HDAC4: variants seen among roughly 807,000 people sequenced by gnomAD.
HDAC4 encodes histone deacetylase 4.
Under a neutral mutation model 135.1 loss-of-function variants are expected in HDAC4, and 16 were observed. The observed-to-expected ratio is 0.12, with a 90% CI of 0.08 to 0.18. HDAC4 has a LOEUF of 0.18. HDAC4 is among the 10% of genes least tolerant of loss of function. The probability of loss-of-function intolerance (pLI) is 1.00; values close to 1 mark genes in which losing one functional copy is unlikely to be tolerated. For missense variants in HDAC4, 1,143 were observed against 1,511.8 expected, an observed-to-expected ratio of 0.76 and a Z score of 4.05; for synonymous variants, 685 against 653.4, an observed-to-expected ratio of 1.05 and a Z score of -0.74.
At chr2:239,375,865 G>A (rs746541544) in intron 1 of HDAC4, among the ~76,000 whole-genome samples, 3 of 152,310 alleles carry the variant, frequency 2.0e-5, no homozygotes, top group South Asian at 2.1e-4. Context: ...GCCTCTTGCC[G>A]GCCCTTATGG....
intron 12 of HDAC4, among the ~76,000 whole-genome samples, chr2:239,118,483 G>T (rs1055877182): frequency 6.6e-6 from 1 of 152,170 alleles, no homozygotes; most frequent in Non-Finnish European, 1.5e-5. Context: ...AGAGTGCAGC[G>T]GTGGGTGGCC....
intron 22 of HDAC4, among the ~76,000 whole-genome samples, chr2:239,070,180 G>T (rs2034028448): frequency 6.7e-6 from 1 of 149,916 alleles, no homozygotes; most frequent in Non-Finnish European, 1.5e-5. Flanking sequence ...GAGAGCCCTT[G>T]CCAGCCCTGC....
At chr2:239,223,906 CGGA>C (rs2047101775) in intron 3 of HDAC4, among the ~76,000 whole-genome samples, 1 of 151,864 alleles carries the variant, frequency 6.6e-6, no homozygotes, top group Non-Finnish European at 1.5e-5. Context: ...GGACCTTGCA[CGGA>C]GGAGATCCAC....
chr2:239,160,307 T>A (rs2042710101), intron 6 of HDAC4, among the ~76,000 whole-genome samples: 1 of 152,248 alleles, frequency 6.6e-6, no homozygotes, highest in South Asian at 2.1e-4. Flanking sequence ...TGAAATTCCA[T>A]GCTCTGCATC....
chr2:239,398,840 C>G (rs181795512), intron 1 of HDAC4, among the ~76,000 whole-genome samples: 19 of 152,338 alleles, frequency 1.2e-4, no homozygotes, highest in Admixed American at 3.9e-4. Context: ...AGGGCTCCCC[C>G]GGGGGCATGC....
At chr2:239,077,768 T>C (rs3791367) in intron 22 of HDAC4, among the ~76,000 whole-genome samples, 48,174 of 152,002 alleles carry the variant, frequency 0.32, 7,936 homozygotes, top group Admixed American at 0.45. Context: ...CATCAGGCGC[T>C]GCGACTCCTA....
chr2:239,192,184 T>G (rs2045021615), intron 3 of HDAC4, among the ~76,000 whole-genome samples: 1 of 95,740 alleles, frequency 1.0e-5, no homozygotes, highest in Admixed American at 1.7e-4. Flanking sequence ...ACCCCGCACA[T>G]GGGTGAGGAC....
chr2:239,183,555 C>T lies in HDAC4; in HGVS notation c.339+6278G>A, dbSNP rs141845714. 1.9e-3 allele frequency among the ~76,000 whole-genome samples: 283 copies of T among 152,324 alleles called. 1 individual carries two copies. The highest frequency in any genetic ancestry group is 2.9e-3 in the Non-Finnish European group (197 of 68,018). On this transcript the variant is annotated intron_variant, in intron 4 of 26. Coordinates refer to ENST00000543185, the MANE Select transcript of HDAC4 (RefSeq NM_001378414.1). ...CCACGTGCCCTATGTGTCACCTGGC[C>T]CCACTGCCCACTGCCACGTGCATGT... is the stretch of plus-strand genomic sequence containing the variant.
rs1436674612 is a variant in HDAC4, at chr2:239,139,282, T to C, written c.978+402A>G. 6.6e-6 allele frequency among the ~76,000 whole-genome samples: 1 copy of C among 152,216 alleles called. No individual in the cohort carries two copies. Among genetic ancestry groups the C allele is most frequent in the Admixed American group, 6.5e-5 (1 of 15,282 alleles). On this transcript the variant is annotated intron_variant, in intron 9 of 26. Coordinates refer to ENST00000543185, the MANE Select transcript of HDAC4 (RefSeq NM_001378414.1). This position sits in a 1 kb window ranked among gnomAD's most constrained non-coding sequence, Gnocchi z 5.3. ...GTCTCACTTAGCAACTATACCCACG[T>C]GCCCACGGCCTCTCAGCCACCCTCA...
At chr2:239,210,476 A>C (rs2046304498) in intron 3 of HDAC4, among the ~76,000 whole-genome samples, 1 of 152,212 alleles carries the variant, frequency 6.6e-6, no homozygotes, top group Non-Finnish European at 1.5e-5. Flanking sequence ...CTCAGTGCTA[A>C]ACCCTATTCT....
chr2:239,373,687 C>G (rs1341510588), intron 1 of HDAC4, among the ~76,000 whole-genome samples: 1 of 152,334 alleles, frequency 6.6e-6, no homozygotes, highest in East Asian at 1.9e-4. Context: ...TGATCTTGAA[C>G]TCCCGACCTC....
At position 239,166,778 on chromosome 2, in the gene HDAC4, C is replaced by G. The variant is rs922750435; in HGVS notation, c.491-2855G>C. On this transcript the variant is annotated intron_variant, in intron 5 of 26. Transcript: ENST00000543185. ...CACAACTAGGAATAAAAGGAAAGGCCGGGCGGTGGGGAAGATAAGTGAGCA... is the reference window on the plus strand; with the variant it reads ...CACAACTAGGAATAAAAGGAAAGGCGGGGCGGTGGGGAAGATAAGTGAGCA... Among the ~76,000 whole-genome samples, 6 of 151,988 alleles carry G rather than the reference C, an allele frequency of 3.9e-5. No homozygotes were observed. The South Asian group carries it at 1.0e-3, about 26-fold the overall frequency.
At chr2:239,280,972 T>C (rs1350674363) in intron 2 of HDAC4, among the ~76,000 whole-genome samples, 1 of 98,660 alleles carries the variant, frequency 1.0e-5, no homozygotes, top group East Asian at 2.4e-4. Flanking sequence ...CACTCTACAA[T>C]GAACACACCA....
intron 9 of HDAC4, among the ~76,000 whole-genome samples, chr2:239,137,777 A>G (rs190124810): frequency 3.3e-4 from 51 of 152,316 alleles, no homozygotes; most frequent in Admixed American, 2.9e-3. Flanking sequence ...GAAACCCAGA[A>G]AGGGCGCCTG....
intron 2 of HDAC4, among the ~76,000 whole-genome samples, chr2:239,302,730 C>A (rs569306611): frequency 1.3e-5 from 2 of 152,246 alleles, no homozygotes; most frequent in Non-Finnish European, 2.9e-5. Flanking sequence ...ATGTGCTTCA[C>A]GCAGAGCGTT....
chr2:239,299,733 A>C lies in HDAC4; in HGVS notation c.22+52945T>G, dbSNP rs1033428080. Among the ~76,000 whole-genome samples the C allele has an allele frequency of 6.6e-6, 1 of 152,210 alleles. No homozygotes were observed. Among genetic ancestry groups the C allele is most frequent in the Non-Finnish European group, 1.5e-5 (1 of 68,042 alleles). On this transcript the variant is annotated intron_variant, in intron 2 of 26. Transcript: ENST00000543185. The surrounding 1 kb of genome is among the most constrained non-coding windows in gnomAD (Gnocchi z 4.0). The stretch of plus-strand genomic sequence containing the variant: ...CTGGTGGCCTCCCAGCAGCTCTCAT[A>C]GACCCTGGACCCAGCACAGTCCAGC...
chr2:239,246,727 G>A (rs956752041), intron 2 of HDAC4, among the ~76,000 whole-genome samples: 18 of 152,260 alleles, frequency 1.2e-4, no homozygotes, highest in African/African-American at 4.3e-4. Context: ...CGGAGAGACA[G>A]CTCTCAGCTA....
At chr2:239,125,833 G>A (rs2040146104) in intron 12 of HDAC4, among the ~76,000 whole-genome samples, 1 of 152,240 alleles carries the variant, frequency 6.6e-6, no homozygotes, top group South Asian at 2.1e-4. Context: ...AGGTTATGCA[G>A]ACCTCTGTGG....
rs1334010059 is a variant in HDAC4 at position 239,272,703 on chromosome 2, A to G, written c.23-36039T>C. On this transcript the variant is annotated intron_variant, in intron 2 of 26. Transcript: ENST00000543185. Reference sequence around the variant, plus strand: ...CCCAGCATCGGAACCTCTCGCAGCCAACCATCTGCACTCACCCCCAATGCA... The same window carrying G: ...CCCAGCATCGGAACCTCTCGCAGCCGACCATCTGCACTCACCCCCAATGCA... 2.0e-5 allele frequency among the ~76,000 whole-genome samples: 3 copies of G among 152,198 alleles called. No homozygotes were observed. The South Asian group carries it at 6.2e-4, about 31-fold the overall frequency.
Sources: gnomAD v4.1 joint callset for allele counts (sites outside exome capture counted in the v4.1 genomes callset) on GRCh38, gnomAD v4.1.1 for gene constraint, Gnocchi (gnomAD v3.1) non-coding constraint, MANE v1.5 for transcripts, NCBI Gene and HGNC (gene_info 2026-07-23, HGNC 2026-07-21) for gene names.